The following ROBO1 variants were observed in gnomAD, a reference collection of about 807,000 sequenced individuals.
ROBO1 encodes roundabout homolog 1.
Under a neutral mutation model 195.9 loss-of-function variants are expected in ROBO1, and 149 were observed. The ratio of observed to expected loss-of-function variants is 0.76; its 90% CI spans 0.67 to 0.87. The LOEUF (loss-of-function observed/expected upper bound fraction) is 0.87. Among genes scored for constraint, ROBO1 ranks in the 40% least tolerant of loss-of-function variants. The probability of loss-of-function intolerance (pLI) is 0.00; values close to 1 mark genes in which losing one functional copy is unlikely to be tolerated. For missense variants in ROBO1, 1,933 were observed against 2,068.3 expected (o/e 0.93, Z 1.27); for synonymous variants, 816 against 733.2 (o/e 1.11, Z -1.82).
intron 2 of ROBO1, among the ~76,000 whole-genome samples, chr3:79,356,119 T>C (rs1023982146): frequency 5.9e-5 from 9 of 152,156 alleles, no homozygotes; most frequent in African/African-American, 1.2e-4. Flanking sequence ...GGCAGGCAGA[T>C]CACTTGAAGC....
At chr3:78,756,104 T>TTA (rs1306707577) in intron 4 of ROBO1, among the ~76,000 whole-genome samples, 5 of 152,114 alleles carry the variant, frequency 3.3e-5, no homozygotes, top group South Asian at 4.1e-4. Context: ...CATATGTGGA[T>TTA]TATATATATA....
At chr3:79,408,939 G>A (rs1315582134) in intron 2 of ROBO1, among the ~76,000 whole-genome samples, 1 of 151,968 alleles carries the variant, frequency 6.6e-6, no homozygotes, top group Non-Finnish European at 1.5e-5. Flanking sequence ...TTGGTATTTT[G>A]AAGTGTCCAT....
intron 4 of ROBO1, among the ~76,000 whole-genome samples, chr3:78,798,682 G>C (rs1402513927): frequency 6.6e-6 from 1 of 152,112 alleles, no homozygotes; most frequent in African/African-American, 2.4e-5. Flanking sequence ...TTAGATCTCT[G>C]ACTAGGCAAA....
chr3:79,034,328 A>G lies in ROBO1; in HGVS notation c.172+91128T>C, dbSNP rs77112095. Among the ~76,000 whole-genome samples, 361 of 152,316 alleles carry G rather than the reference A, an allele frequency of 2.4e-3. 4 individuals carry two copies. Among genetic ancestry groups the G allele is most frequent in the African/African-American group, 8.4e-3 (350 of 41,578 alleles). On this transcript the variant is annotated intron_variant, in intron 3 of 30. Transcript: ENST00000464233. ...AGGAACATAGAAAAATGAGATTCACAGAGATGAAAAACGTCTCCACATTTA... is the reference window on the plus strand; with the variant it reads ...AGGAACATAGAAAAATGAGATTCACGGAGATGAAAAACGTCTCCACATTTA...
intron 2 of ROBO1, among the ~76,000 whole-genome samples, chr3:79,443,657 A>T (rs2039136363): frequency 6.6e-6 from 1 of 152,212 alleles, no homozygotes; most frequent in Non-Finnish European, 1.5e-5. Context: ...AAAACCCCGT[A>T]AGTTTTCCAT....
intron 2 of ROBO1, among the ~76,000 whole-genome samples, chr3:79,503,394 C>T (rs1940217880): frequency 2.0e-5 from 3 of 152,168 alleles, no homozygotes; most frequent in South Asian, 2.1e-4. Flanking sequence ...AAGAACTGTA[C>T]CACTCACCGC....
intron 4 of ROBO1, among the ~76,000 whole-genome samples, chr3:78,899,116 C>T (rs191310731): frequency 2.0e-3 from 301 of 152,198 alleles, no homozygotes; most frequent in Non-Finnish European, 2.8e-3. Context: ...TTAACTGGCT[C>T]AATGTTAAAA....
chr3:78,603,260 C>A (rs1198820004), intron 29 of ROBO1, among the ~76,000 whole-genome samples: 1 of 152,134 alleles, frequency 6.6e-6, no homozygotes, highest in Non-Finnish European at 1.5e-5. Flanking sequence ...GAATTTCTTA[C>A]AGTTCCCTCA....
chr3:78,740,850 C>T (rs1158157704), intron 5 of ROBO1, among the ~76,000 whole-genome samples: 2 of 152,076 alleles, frequency 1.3e-5, no homozygotes, highest in African/African-American at 2.4e-5. Context: ...TCCTAACTTG[C>T]AACATTCAAT....
intron 8 of ROBO1, among the ~76,000 whole-genome samples, chr3:78,714,130 A>G (rs1027659398): frequency 6.6e-6 from 1 of 152,154 alleles, no homozygotes; most frequent in African/African-American, 2.4e-5. Flanking sequence ...CTTCGCCTCT[A>G]CTTGACCAAG....
At chr3:79,736,975 C>G (rs1438063749) in intron 1 of ROBO1, among the ~76,000 whole-genome samples, 1 of 152,186 alleles carries the variant, frequency 6.6e-6, no homozygotes, top group Non-Finnish European at 1.5e-5. Flanking sequence ...TCCAGTCTCT[C>G]AAACACATTT....
At chr3:79,280,009 A>G (rs1489850) in intron 2 of ROBO1, among the ~76,000 whole-genome samples, 15,377 of 152,268 alleles carry the variant, frequency 0.1, 836 homozygotes, top group Middle Eastern at 0.14. Context: ...AAAGTTAAAC[A>G]CTGCAAACTA....
chr3:79,146,340 A>G (rs963215330), intron 2 of ROBO1, among the ~76,000 whole-genome samples: 4 of 151,914 alleles, frequency 2.6e-5, no homozygotes, highest in Non-Finnish European at 4.4e-5. Flanking sequence ...ACTTTTAGGA[A>G]AAGAAATGGT....
intron 2 of ROBO1, among the ~76,000 whole-genome samples, chr3:79,133,678 T>C (rs1194066340): frequency 1.0e-5 from 1 of 96,354 alleles, no homozygotes; most frequent in African/African-American, 4.1e-5. Context: ...CCTTCTTCTC[T>C]CAGCTCGTCA....
chr3:79,129,156 G>A (rs1286283555), intron 2 of ROBO1, among the ~76,000 whole-genome samples: 3 of 151,964 alleles, frequency 2.0e-5, no homozygotes, highest in African/African-American at 4.8e-5. Context: ...TAAACTGATC[G>A]GCTTGTTTTC....
chr3:78,679,204 C>A (rs1415889792), intron 10 of ROBO1, among the ~76,000 whole-genome samples: 3 of 151,560 alleles, frequency 2.0e-5, no homozygotes, highest in Non-Finnish European at 4.4e-5. Flanking sequence ...CTATGACAAA[C>A]CCACAGCCAA....
chr3:79,277,995 C>A (rs1053635185), intron 2 of ROBO1, among the ~76,000 whole-genome samples: 3 of 151,736 alleles, frequency 2.0e-5, no homozygotes, highest in East Asian at 1.9e-4. Context: ...AATTAATAAT[C>A]AAAAATCAGT....
chr3:79,489,155 T>C (rs1233535423), intron 2 of ROBO1, among the ~76,000 whole-genome samples: 2 of 151,766 alleles, frequency 1.3e-5, no homozygotes, highest in Admixed American at 1.3e-4. Context: ...TAAACTGATT[T>C]TTCTCATAAG....
intron 2 of ROBO1, among the ~76,000 whole-genome samples, chr3:79,526,090 G>C (rs1941421634): frequency 6.6e-6 from 1 of 152,100 alleles, no homozygotes; most frequent in African/African-American, 2.4e-5. Context: ...AATTTCAAAT[G>C]CCAGAAACTT....
Sources: allele counts gnomAD v4.1 joint callset (sites outside exome capture counted in the v4.1 genomes callset), GRCh38; gene constraint gnomAD v4.1.1; transcripts MANE v1.5; gene names NCBI Gene and HGNC (gene_info 2026-07-23, HGNC 2026-07-21).